NFIB: variants seen among roughly 807,000 people sequenced by gnomAD.
NFIB encodes the protein nuclear factor 1 B-type.
A neutral mutation model predicts 61.5 loss-of-function variants in NFIB; 11 were observed. That is an observed-to-expected ratio of 0.18 (90% CI 0.11 to 0.30). The LOEUF is 0.30. Ranked by LOEUF, NFIB falls within the 10% of genes least tolerant of loss-of-function variation. NFIB has a pLI of 1.00. For synonymous variants in NFIB, 260 were observed against 216.5 expected (o/e 1.20, Z -1.76); for missense variants, 471 against 608.9 (o/e 0.77, Z 2.38).
the NFIB span, among the ~76,000 whole-genome samples, chr9:14,528,463 C>A: frequency 1.3e-5 from 2 of 152,116 alleles, no homozygotes. Context: ...AGGATCTAGC[C>A]TAGTGTTTGT....
the NFIB span, among the ~76,000 whole-genome samples, chr9:14,446,777 C>G: frequency 6.6e-6 from 1 of 152,004 alleles, no homozygotes. Flanking sequence ...CACAAGAGTA[C>G]AGGGAATAGT....
chr9:14,201,875 C>T (rs2131633069), intron 2 of NFIB, among the ~76,000 whole-genome samples: 1 of 150,498 alleles, frequency 6.6e-6, no homozygotes, highest in South Asian at 2.2e-4. Flanking sequence ...GTGACATATA[C>T]AGATGATATT....
At chr9:14,366,404 A>G (rs1220024743) in intron 1 of NFIB, among the ~76,000 whole-genome samples, 1 of 152,362 alleles carries the variant, frequency 6.6e-6, no homozygotes, top group East Asian at 1.9e-4. Flanking sequence ...CTGCTGCTGA[A>G]GACAAGACCA....
chr9:14,121,903 G>A (rs563985992), intron 7 of NFIB, among the ~76,000 whole-genome samples: 19 of 152,112 alleles, frequency 1.2e-4, no homozygotes, highest in Admixed American at 1.2e-3. Context: ...TTTGAAAGAT[G>A]GAGAAAGAGT....
At chr9:14,238,271 A>G (rs1308424661) in intron 2 of NFIB, among the ~76,000 whole-genome samples, 1 of 152,156 alleles carries the variant, frequency 6.6e-6, no homozygotes, top group Non-Finnish European at 1.5e-5. Context: ...AAGGGCAGGC[A>G]GAGTGACTCA....
At chr9:14,417,900 C>G in the NFIB span, among the ~76,000 whole-genome samples, 1 of 151,156 alleles carries the variant, frequency 6.6e-6, no homozygotes. Context: ...CCTGCCTCAG[C>G]CTCCCGGGTA....
chr9:14,395,307 CAAA>C (rs756342314), intron 1 of NFIB, among the ~76,000 whole-genome samples: 1 of 86,202 alleles, frequency 1.2e-5, no homozygotes, highest in African/African-American at 4.2e-5. Flanking sequence ...TCGGGACAGC[CAAA>C]AAAAAAAAAA....
At chr9:14,472,709 C>T in the NFIB span, among the ~76,000 whole-genome samples, 2 of 151,864 alleles carry the variant, frequency 1.3e-5, no homozygotes, top group South Asian at 2.1e-4. Context: ...GGCGTCGTGG[C>T]GGGCGCCTGT....
chr9:14,248,931 C>G (rs2055259895), intron 2 of NFIB, among the ~76,000 whole-genome samples: 1 of 152,168 alleles, frequency 6.6e-6, no homozygotes, highest in Non-Finnish European at 1.5e-5. Flanking sequence ...GAGAAACATT[C>G]CCAGTTACAT....
intron 1 of NFIB, among the ~76,000 whole-genome samples, chr9:14,365,004 G>T (rs1174906076): frequency 6.6e-6 from 1 of 152,096 alleles, no homozygotes; most frequent in African/African-American, 2.4e-5. Context: ...GTTTTCTGAG[G>T]CACGTTAATT....
chr9:14,410,555 A>G, the NFIB span, among the ~76,000 whole-genome samples: 5 of 152,222 alleles, frequency 3.3e-5, no homozygotes, highest in Non-Finnish European at 7.3e-5. Context: ...AAGGGAAATG[A>G]AAAAGTACTT....
chr9:14,317,142 T>A (rs1218200633), upstream of NFIB: 1 of 152,220 alleles, frequency 6.6e-6, no homozygotes, highest in East Asian at 1.9e-4. Flanking sequence ...CCTGGGCAAG[T>A]GTCTCCCGAC....
chr9:14,460,812 C>T, the NFIB span, among the ~76,000 whole-genome samples: 1 of 151,996 alleles, frequency 6.6e-6, no homozygotes, highest in Admixed American at 6.5e-5. Flanking sequence ...TAATGAAATC[C>T]AAATTCCTTA....
intron 2 of NFIB, among the ~76,000 whole-genome samples, chr9:14,234,307 A>C (rs898853797): frequency 1.1e-4 from 16 of 152,294 alleles, no homozygotes; most frequent in African/African-American, 3.6e-4. Flanking sequence ...AAGCTACCTC[A>C]TGGTGTAGTA....
intron 2 of NFIB, among the ~76,000 whole-genome samples, chr9:14,215,125 G>C (rs2050717320): frequency 6.6e-6 from 1 of 151,208 alleles, no homozygotes; most frequent in South Asian, 2.1e-4. Flanking sequence ...CTTCTGTCAA[G>C]CTCAACAATT....
rs2039660510 is a variant in NFIB, at chr9:14,126,478, C to CT, written c.926-713_926-712insA. Among the ~76,000 whole-genome samples, 5 of 152,330 alleles carry CT rather than the reference C, an allele frequency of 3.3e-5. No homozygotes were observed. In the South Asian group the frequency reaches 6.2e-4, roughly 19 times the overall value. ...CAGCTGCGATGTACAGGACAGATAT[C>CT]GTCTCAGTCTCCCCAGGATGAGGAA... is the stretch of plus-strand genomic sequence containing the variant. On this transcript the variant is annotated intron_variant, in intron 6 of 10. Coordinates refer to ENST00000380953, the MANE Select transcript of NFIB (RefSeq NM_001190737.2).
intron 2 of NFIB, among the ~76,000 whole-genome samples, chr9:14,216,862 A>C (rs1174639045): frequency 2.0e-5 from 3 of 152,218 alleles, no homozygotes; most frequent in Non-Finnish European, 4.4e-5. Context: ...CCTGTAACTA[A>C]AGCCATTTCA....
intron 2 of NFIB, among the ~76,000 whole-genome samples, chr9:14,224,345 A>G (rs552074624): frequency 1.5e-4 from 23 of 152,350 alleles, no homozygotes; most frequent in African/African-American, 5.1e-4. Flanking sequence ...TCACTAAAAC[A>G]TAACAGCTAA....
intron 3 of NFIB, among the ~76,000 whole-genome samples, chr9:14,160,417 G>C (rs2044020992): frequency 6.6e-6 from 1 of 151,934 alleles, no homozygotes; most frequent in Non-Finnish European, 1.5e-5. Context: ...ACAGTCTACT[G>C]TGTTCTATTC....
Sources: allele counts gnomAD v4.1 joint callset (sites outside exome capture counted in the v4.1 genomes callset), GRCh38; gene constraint gnomAD v4.1.1; transcripts MANE v1.5; gene names NCBI Gene and HGNC (gene_info 2026-07-23, HGNC 2026-07-21).